NBEA: variants seen among roughly 807,000 people sequenced by gnomAD.
The protein encoded by NBEA is neurobeachin, also known as lysosomal-trafficking regulator 2.
In NBEA, 44 loss-of-function variants were observed where a neutral mutation model predicts 343.4. The observed-to-expected ratio is 0.13, with a 90% CI of 0.10 to 0.16. NBEA has a LOEUF of 0.16. Among genes scored for constraint, NBEA ranks in the 10% least tolerant of loss-of-function variants. NBEA has a pLI of 1.00. For missense variants in NBEA, 2,555 were observed against 3,631.3 expected, an observed-to-expected ratio of 0.70 and a Z score of 7.62; for synonymous variants, 1,175 against 1,238.7, an observed-to-expected ratio of 0.95 and a Z score of 1.08.
chr13:35,086,527 T>C (rs1037646540), intron 10 of NBEA, among the ~76,000 whole-genome samples: 9 of 152,002 alleles, frequency 5.9e-5, no homozygotes, highest in African/African-American at 2.2e-4. Context: ...AGTGCCCACA[T>C]ATGAGTGAGA....
At chr13:35,328,801 C>G (rs1486517921) in intron 36 of NBEA, among the ~76,000 whole-genome samples, 2 of 150,156 alleles carry the variant, frequency 1.3e-5, no homozygotes, top group Non-Finnish European at 3.0e-5. Context: ...AGAAATTTAG[C>G]CAGCTGATTT....
intron 34 of NBEA, among the ~76,000 whole-genome samples, chr13:35,259,269 A>G (rs1208116861): frequency 6.6e-6 from 1 of 152,170 alleles, no homozygotes; most frequent in Non-Finnish European, 1.5e-5. Context: ...GGCCATCTAA[A>G]TTTATTACTA....
At chr13:34,962,619 T>C (rs2152492447) in intron 1 of NBEA, among the ~76,000 whole-genome samples, 1 of 152,244 alleles carries the variant, frequency 6.6e-6, no homozygotes, top group East Asian at 1.9e-4. Context: ...AGAGTACTCT[T>C]ATTCCCAACA....
intron 34 of NBEA, among the ~76,000 whole-genome samples, chr13:35,274,331 T>C (rs1174990911): frequency 6.6e-6 from 1 of 152,150 alleles, no homozygotes; most frequent in Non-Finnish European, 1.5e-5. Flanking sequence ...TGCTAAAAAC[T>C]CTCAATAAAC....
intron 38 of NBEA, among the ~76,000 whole-genome samples, chr13:35,398,563 T>C (rs991085223): frequency 2.0e-5 from 3 of 152,164 alleles, no homozygotes; most frequent in African/African-American, 7.2e-5. Flanking sequence ...TTCATCTCCT[T>C]GTACATCTCC....
intron 34 of NBEA, among the ~76,000 whole-genome samples, chr13:35,270,496 A>T (rs2152803998): frequency 6.6e-6 from 1 of 152,316 alleles, no homozygotes; most frequent in East Asian, 1.9e-4. Flanking sequence ...GGTGCAGCCC[A>T]TGGAGGGCGA....
At chr13:35,444,847 T>G (rs2045913920) in intron 39 of NBEA, among the ~76,000 whole-genome samples, 1 of 152,138 alleles carries the variant, frequency 6.6e-6, no homozygotes, top group South Asian at 2.1e-4. Flanking sequence ...TTATGTAATT[T>G]TATTTAATAT....
At chr13:35,145,145 C>T (rs2068338323) in intron 18 of NBEA, among the ~76,000 whole-genome samples, 2 of 152,182 alleles carry the variant, frequency 1.3e-5, no homozygotes, top group Non-Finnish European at 2.9e-5. Flanking sequence ...AACATAAAGC[C>T]TCTTGTTGTT....
At chr13:35,581,905 GAA>G (rs66496898) in intron 45 of NBEA, among the ~76,000 whole-genome samples, 11 of 121,426 alleles carry the variant, frequency 9.1e-5, no homozygotes, top group African/African-American at 3.3e-4. Flanking sequence ...AAAAAGAAAA[GAA>G]AAAAAAAGAA....
In NBEA at chr13:35,098,283, T is replaced by A; in HGVS notation, c.1572-14T>A. The A allele has an allele frequency of 6.6e-7, 1 of 1,525,412 alleles. No individual in the cohort carries two copies. The highest frequency in any genetic ancestry group is 8.9e-7 in the Non-Finnish European group (1 of 1,117,998). The allele number at this position is 1,525,412 out of a possible 1,614,324, so 94.5% of individuals were successfully genotyped here. A position where few individuals can be genotyped will look rare whatever the true frequency, so the allele number is the denominator to read the frequency against. The stretch of plus-strand genomic sequence containing the variant: ...TGTGATGATTACATAATGATGTCTG[T>A]ACTTTACATGCAGTGCTACTCTGTT... On this transcript the variant is annotated splice_polypyrimidine_tract_variant and intron_variant, in intron 10 of 58. Transcript: ENST00000379939.
intron 1 of NBEA, among the ~76,000 whole-genome samples, chr13:34,983,132 A>G (rs1166171754): frequency 2.0e-5 from 3 of 152,046 alleles, no homozygotes; most frequent in African/African-American, 7.2e-5. Context: ...TTAACTCATC[A>G]TTTACATTAG....
chr13:35,667,335 T>A (rs116494874), intron 56 of NBEA, 39 bp from the exon 57 acceptor site: 1 of 1,569,504 alleles, frequency 6.4e-7, no homozygotes. Flanking sequence ...TCGTTTGTCG[T>A]CCCCAACTGA....
At chr13:35,493,637 T>G (rs2076575230) in intron 41 of NBEA, among the ~76,000 whole-genome samples, 1 of 151,958 alleles carries the variant, frequency 6.6e-6, no homozygotes, top group African/African-American at 2.4e-5. Flanking sequence ...GAGGAAGCCC[T>G]CCATTAGGAA....
At chr13:35,377,741 T>C (rs1032403501) in intron 38 of NBEA, among the ~76,000 whole-genome samples, 1 of 152,184 alleles carries the variant, frequency 6.6e-6, no homozygotes, top group African/African-American at 2.4e-5. Context: ...ATTTGACTCT[T>C]GCCTTCCAGT....
intron 10 of NBEA, among the ~76,000 whole-genome samples, chr13:35,080,332 A>G (rs1241779036): frequency 6.6e-6 from 1 of 152,128 alleles, no homozygotes; most frequent in Non-Finnish European, 1.5e-5. Context: ...GAAACAGGGA[A>G]GTCCTTTGCA....
intron 38 of NBEA, among the ~76,000 whole-genome samples, chr13:35,418,409 CA>C (rs1432851586): frequency 6.6e-6 from 1 of 151,740 alleles, no homozygotes; most frequent in African/African-American, 2.4e-5. Flanking sequence ...GCTAAATAAA[CA>C]GAAGAAACTA....
In NBEA at chr13:35,201,007, A is replaced by T. The variant is rs200128666; in HGVS notation, c.5366+4705A>T. ...CTGAAGACTTCAATTTGTTCTTATT[A>T]CTATTTTTTTAAAAAAGTATTTTGA... On this transcript the variant is annotated intron_variant, in intron 31 of 58. Transcript: ENST00000379939. 8.6e-4 allele frequency among the ~76,000 whole-genome samples: 131 copies of T among 151,910 alleles called. 1 individual carries two copies. The highest frequency in any genetic ancestry group is 3.0e-3 in the African/African-American group (124 of 41,398).
intron 1 of NBEA, among the ~76,000 whole-genome samples, chr13:35,022,540 T>C (rs186502329): frequency 6.6e-6 from 1 of 152,282 alleles, no homozygotes; most frequent in East Asian, 1.9e-4. Flanking sequence ...TGTTCATGTG[T>C]AAATTATAAG....
At chr13:35,512,304 C>A (rs1254134817) in intron 41 of NBEA, among the ~76,000 whole-genome samples, 13 of 152,178 alleles carry the variant, frequency 8.5e-5, no homozygotes, top group Non-Finnish European at 1.6e-4. Context: ...TATTCTGTAT[C>A]CTGGGATTAA....
Sources: gnomAD v4.1 joint callset for allele counts (sites outside exome capture counted in the v4.1 genomes callset) on GRCh38, gnomAD v4.1.1 for gene constraint, MANE v1.5 for transcripts, NCBI Gene and HGNC (gene_info 2026-07-23, HGNC 2026-07-21) for gene names.